The following AVEN variants were observed in gnomAD, a reference collection of about 807,000 sequenced individuals.
AVEN encodes apoptosis and caspase activation inhibitor.
AVEN carries 41 observed loss-of-function variants against 38.1 expected under a neutral mutation model. The observed-to-expected ratio is 1.08, with a 90% CI of 0.84 to 1.40. The LOEUF (loss-of-function observed/expected upper bound fraction) is 1.40. Ranked by LOEUF, AVEN falls within the 40% of genes most tolerant of loss-of-function variation. The pLI is 0.00. For missense variants in AVEN, 605 were observed against 438.8 expected, an observed-to-expected ratio of 1.38 and a Z score of -3.38; for synonymous variants, 206 against 171.8, an observed-to-expected ratio of 1.20 and a Z score of -1.56.
At chr15:34,051,557 G>C (rs531184218) in intron 5 of AVEN, among the ~76,000 whole-genome samples, 1 of 152,012 alleles carries the variant, frequency 6.6e-6, no homozygotes, top group Non-Finnish European at 1.5e-5. Context: ...CTAGGAGCTG[G>C]TTTTTTGAAA....
At chr15:34,018,669 G>A (rs1443264167) in intron 1 of AVEN, among the ~76,000 whole-genome samples, 5 of 152,210 alleles carry the variant, frequency 3.3e-5, no homozygotes, top group African/African-American at 9.7e-5. Flanking sequence ...AGAATGGAAA[G>A]GGACTCCAGT....
At chr15:34,014,374 AAAAAAAAAAACAAAAAC>A (rs1278639191) in intron 1 of AVEN, among the ~76,000 whole-genome samples, 1 of 98,444 alleles carries the variant, frequency 1.0e-5, no homozygotes, top group East Asian at 3.0e-4. Flanking sequence ...CATTAAAAAA[AAAAAAAAAAACAAAAAC>A]AAAAACCACG....
At chr15:33,916,357 G>A (rs1357004970) in intron 2 of AVEN, among the ~76,000 whole-genome samples, 2 of 152,214 alleles carry the variant, frequency 1.3e-5, no homozygotes, top group African/African-American at 2.4e-5. Context: ...ACAGGACTCT[G>A]TGCAGACACC....
At chr15:33,862,894 G>C (rs1421210155), downstream of AVEN, among the ~76,000 whole-genome samples, 1 of 152,228 alleles carries the variant, frequency 6.6e-6, no homozygotes, top group Non-Finnish European at 1.5e-5. Flanking sequence ...TGGAATTAGA[G>C]GCGTGAGCCA....
upstream of AVEN, among the ~76,000 whole-genome samples, chr15:34,039,329 G>C (rs1899359856): frequency 6.6e-6 from 1 of 151,950 alleles, no homozygotes; most frequent in Non-Finnish European, 1.5e-5. Flanking sequence ...GATTCTCAAG[G>C]CATCAGAGAT....
chr15:33,937,932 CAAAAAAAAAAAAAAA>C (rs55887919), intron 2 of AVEN, among the ~76,000 whole-genome samples: 26 of 100,848 alleles, frequency 2.6e-4, no homozygotes, highest in Admixed American at 3.4e-4. Flanking sequence ...CCTACTTGAC[CAAAAAAAAAAAAAAA>C]AAAAAAAAAA....
At chr15:33,909,452 G>C (rs112593906) in intron 2 of AVEN, among the ~76,000 whole-genome samples, 5 of 152,236 alleles carry the variant, frequency 3.3e-5, no homozygotes, top group African/African-American at 9.6e-5. Flanking sequence ...CTCATAACCA[G>C]CTCAAGATGT....
intron 2 of AVEN, among the ~76,000 whole-genome samples, chr15:33,987,902 T>C (rs1896546878): frequency 6.6e-6 from 1 of 152,218 alleles, no homozygotes; most frequent in Non-Finnish European, 1.5e-5. Flanking sequence ...CTGCTGGGTC[T>C]GCATGCCCTG....
At chr15:33,965,442 T>A (rs1056775816) in intron 2 of AVEN, among the ~76,000 whole-genome samples, 17 of 152,082 alleles carry the variant, frequency 1.1e-4, no homozygotes, top group South Asian at 2.1e-4. Context: ...CTGGAGAGCA[T>A]AAAGGAGAGA....
At chr15:34,052,520 T>C (rs960173109) in intron 5 of AVEN, among the ~76,000 whole-genome samples, 1 of 152,180 alleles carries the variant, frequency 6.6e-6, no homozygotes, top group Non-Finnish European at 1.5e-5. Flanking sequence ...GAGAAAGAAA[T>C]GAAGCATATT....
chr15:34,005,448 A>T (rs1737890308), intron 1 of AVEN, among the ~76,000 whole-genome samples: 1 of 152,152 alleles, frequency 6.6e-6, no homozygotes, highest in Admixed American at 6.5e-5. Context: ...TTTATCTCCA[A>T]TATTATCTAT....
intron 2 of AVEN, among the ~76,000 whole-genome samples, chr15:33,876,370 A>G (rs550761067): frequency 1.3e-5 from 2 of 152,194 alleles, no homozygotes; most frequent in East Asian, 3.9e-4. Context: ...TCAGGAGTAC[A>G]AGACCAGCCT....
At chr15:33,908,912 G>C (rs1007289096) in intron 2 of AVEN, among the ~76,000 whole-genome samples, 58 of 152,178 alleles carry the variant, frequency 3.8e-4, no homozygotes, top group Admixed American at 6.5e-5. Flanking sequence ...GGTCTAGAGC[G>C]ACAAAGCTGG....
chr15:33,951,084 G>C (rs561008961), intron 2 of AVEN, among the ~76,000 whole-genome samples: 14 of 150,612 alleles, frequency 9.3e-5, no homozygotes, highest in East Asian at 2.0e-4. Context: ...GAGGCGAGTG[G>C]GGGGAGGAAG....
At chr15:34,050,424 TA>T (rs1899892222) in intron 5 of AVEN, among the ~76,000 whole-genome samples, 2 of 152,170 alleles carry the variant, frequency 1.3e-5, no homozygotes, top group South Asian at 4.1e-4. Flanking sequence ...CCAGTGACAT[TA>T]TGAAGCAACC....
chr15:34,024,385 T>G (rs1312337039), intron 1 of AVEN, among the ~76,000 whole-genome samples: 1 of 149,830 alleles, frequency 6.7e-6, no homozygotes, highest in Non-Finnish European at 1.5e-5. Flanking sequence ...CGTGGTGGCT[T>G]ACACCTATAA....
At chr15:33,992,105 G>A (rs1469110261) in intron 2 of AVEN, 1 of 152,250 alleles carries the variant, frequency 6.6e-6, no homozygotes, top group Non-Finnish European at 1.5e-5. Flanking sequence ...AAGAAAATCA[G>A]GCCGGGCGCG....
chr15:33,933,530 G>GAT (rs1567420743), intron 2 of AVEN, among the ~76,000 whole-genome samples: 2 of 42,908 alleles, frequency 4.7e-5, no homozygotes, highest in African/African-American at 1.1e-4. Flanking sequence ...CACACAGAGA[G>GAT]AGAGAGAGAG....
chr15:33,886,443 C>T (rs1257311320), intron 2 of AVEN, among the ~76,000 whole-genome samples: 1 of 152,196 alleles, frequency 6.6e-6, no homozygotes, highest in Non-Finnish European at 1.5e-5. Context: ...GCTGGGACTA[C>T]AGGCATGTGC....
Sources: allele counts gnomAD v4.1 joint callset (sites outside exome capture counted in the v4.1 genomes callset), GRCh38; gene constraint gnomAD v4.1.1; transcripts MANE v1.5; gene names NCBI Gene and HGNC (gene_info 2026-07-23, HGNC 2026-07-21).